The following CADM2 variants were observed in gnomAD, a reference collection of about 807,000 sequenced individuals.
The protein encoded by CADM2 is cell adhesion molecule 2.
Under a neutral mutation model 49.8 loss-of-function variants are expected in CADM2, and 12 were observed. The observed-to-expected ratio is 0.24, with a 90% CI of 0.15 to 0.39. The LOEUF is 0.39. Among genes scored for constraint, CADM2 ranks in the 10% least tolerant of loss-of-function variants. The pLI is 1.00. For missense variants in CADM2, 378 were observed against 492.3 expected (o/e 0.77, Z 2.20); for synonymous variants, 214 against 175.4 (o/e 1.22, Z -1.74).
chr3:85,657,388 G>T (rs1262537689), intron 1 of CADM2, among the ~76,000 whole-genome samples: 2 of 151,948 alleles, frequency 1.3e-5, no homozygotes, highest in African/African-American at 4.8e-5. Context: ...TTATTAAAGG[G>T]TTCTCAGTAA....
At chr3:86,004,100 A>G (rs1730496998) in intron 8 of CADM2, among the ~76,000 whole-genome samples, 4 of 152,120 alleles carry the variant, frequency 2.6e-5, no homozygotes, top group African/African-American at 9.7e-5. Context: ...AGAAAGGAAG[A>G]TAGTGGTTGC....
chr3:85,909,824 G>C (rs1481574856), intron 5 of CADM2, among the ~76,000 whole-genome samples: 1 of 152,086 alleles, frequency 6.6e-6, no homozygotes, highest in Non-Finnish European at 1.5e-5. Flanking sequence ...GTAATGCATC[G>C]TTATTTTAAA....
At chr3:86,049,581 G>A (rs1053240741) in intron 8 of CADM2, among the ~76,000 whole-genome samples, 15 of 152,050 alleles carry the variant, frequency 9.9e-5, no homozygotes, top group East Asian at 7.8e-4. Flanking sequence ...AATTTATAAC[G>A]AAAAGAGGTT....
chr3:85,968,252 A>G (rs368602867), intron 8 of CADM2, among the ~76,000 whole-genome samples: 3 of 151,622 alleles, frequency 2.0e-5, no homozygotes, highest in East Asian at 3.9e-4. Context: ...GGAAAGGTGT[A>G]CCTCTGACTG....
At chr3:85,907,579 G>A (rs1716966472) in intron 5 of CADM2, among the ~76,000 whole-genome samples, 1 of 152,102 alleles carries the variant, frequency 6.6e-6, no homozygotes, top group African/African-American at 2.4e-5. Flanking sequence ...TGATAAAGAG[G>A]TCTATTTCAG....
intron 6 of CADM2, among the ~76,000 whole-genome samples, chr3:85,914,146 G>C (rs1334751790): frequency 2.6e-5 from 4 of 152,124 alleles, no homozygotes; most frequent in Non-Finnish European, 5.9e-5. Context: ...TTACAATTAT[G>C]TTAGGTTAAT....
chr3:85,147,275 C>CAAAAAAAAAAAAAA (rs759888985), intron 1 of CADM2, among the ~76,000 whole-genome samples: 5 of 46,002 alleles, frequency 1.1e-4, no homozygotes, highest in African/African-American at 2.5e-4. Flanking sequence ...GACTCTGTCT[C>CAAAAAAAAAAAAAA]AAAAAAAAAA....
intron 8 of CADM2, 69 bp downstream of exon 8, chr3:85,961,716 G>A (rs1724842204): frequency 9.9e-6 from 12 of 1,214,250 alleles, no homozygotes; most frequent in Middle Eastern, 2.1e-4. Context: ...AAATATATCA[G>A]AATTTTAAGT....
intron 1 of CADM2, among the ~76,000 whole-genome samples, chr3:85,069,662 A>G (rs1056890938): frequency 1.3e-5 from 2 of 152,136 alleles, no homozygotes; most frequent in African/African-American, 4.8e-5. Flanking sequence ...CCATGCATTA[A>G]CTATCAATAA....
At chr3:85,652,988 TG>T (rs1181522979) in intron 1 of CADM2, among the ~76,000 whole-genome samples, 3 of 151,618 alleles carry the variant, frequency 2.0e-5, no homozygotes, top group African/African-American at 7.3e-5. Context: ...TTGGTCAGGC[TG>T]GTCTCCAACT....
At chr3:84,990,245 CAG>C (rs2032805281) in intron 1 of CADM2, among the ~76,000 whole-genome samples, 1 of 151,378 alleles carries the variant, frequency 6.6e-6, no homozygotes. Flanking sequence ...AGAACCATAT[CAG>C]AGTTTCTTAG....
At chr3:85,237,151 G>C (rs1045867490) in intron 1 of CADM2, among the ~76,000 whole-genome samples, 3 of 151,908 alleles carry the variant, frequency 2.0e-5, no homozygotes, top group African/African-American at 7.3e-5. Flanking sequence ...TCAAAGTTAG[G>C]CCAGCCAAAC....
intron 1 of CADM2, among the ~76,000 whole-genome samples, chr3:85,005,650 G>A (rs770520623): frequency 9.3e-4 from 141 of 151,700 alleles, no homozygotes; most frequent in Non-Finnish European, 7.5e-4. Context: ...ATGGAATAAC[G>A]TGAGTTGTTT....
At chr3:85,911,907 C>G (rs922137820) in intron 5 of CADM2, among the ~76,000 whole-genome samples, 1 of 149,706 alleles carries the variant, frequency 6.7e-6, no homozygotes, top group Admixed American at 6.7e-5. Flanking sequence ...GGATCTAGCT[C>G]TTAGAATTTT....
chr3:85,390,854 G>A (rs1000181703), intron 1 of CADM2, among the ~76,000 whole-genome samples: 1 of 152,006 alleles, frequency 6.6e-6, no homozygotes, highest in African/African-American at 2.4e-5. Flanking sequence ...CAGCCGAATT[G>A]TAAAGATTAA....
At chr3:85,735,276 T>C (rs1247373009) in intron 2 of CADM2, among the ~76,000 whole-genome samples, 1 of 152,016 alleles carries the variant, frequency 6.6e-6, no homozygotes, top group Non-Finnish European at 1.5e-5. Flanking sequence ...AACAGAAAAT[T>C]GATGGCGAGG....
chr3:86,023,780 T>C (rs1208945480), intron 8 of CADM2, among the ~76,000 whole-genome samples: 1 of 152,168 alleles, frequency 6.6e-6, no homozygotes, highest in Non-Finnish European at 1.5e-5. Flanking sequence ...GATGACACTG[T>C]TTACCTGGAA....
intron 1 of CADM2, among the ~76,000 whole-genome samples, chr3:85,385,089 G>A (rs562758682): frequency 6.6e-6 from 1 of 151,974 alleles, no homozygotes; most frequent in African/African-American, 2.4e-5. Flanking sequence ...GTGCGCTCCA[G>A]CACACCTGCT....
chr3:85,467,853 G>A (rs938031755), intron 1 of CADM2, among the ~76,000 whole-genome samples: 2 of 152,110 alleles, frequency 1.3e-5, no homozygotes, highest in Non-Finnish European at 2.9e-5. Context: ...AAATAAGACA[G>A]TTTCATTCGA....
Sources: allele counts gnomAD v4.1 joint callset (sites outside exome capture counted in the v4.1 genomes callset), GRCh38; gene constraint gnomAD v4.1.1; transcripts MANE v1.5; gene names NCBI Gene and HGNC (gene_info 2026-07-23, HGNC 2026-07-21).